Variants in NPAS2 observed in about 807,000 individuals in gnomAD.
The protein encoded by NPAS2 is neuronal PAS domain-containing protein 2.
Under a neutral mutation model 107.5 loss-of-function variants are expected in NPAS2, and 23 were observed. The observed-to-expected ratio is 0.21, with a 90% CI of 0.15 to 0.30. The LOEUF (loss-of-function observed/expected upper bound fraction) is 0.30. NPAS2 is among the 10% of genes least tolerant of loss of function. NPAS2 has a pLI of 1.00. For synonymous variants in NPAS2, 403 were observed against 417.5 expected (o/e 0.97, Z 0.42); for missense variants, 756 against 1,043.3 (o/e 0.72, Z 3.79).
Position 100,995,920 on chromosome 2 carries a change from T to C in NPAS2, c.*338T>C. On this transcript the variant is annotated 3_prime_UTR_variant, in exon 21 of 21. Coordinates refer to ENST00000335681, the MANE Select transcript of NPAS2 (RefSeq NM_002518.4). ...TCCCCCGAGAGTACACCGGTTGCTC[T>C]AGCCACCTGCGGCCCGCCCATCTGC... The C allele has an allele frequency of 7.1e-7, 1 of 1,409,356 alleles. No individual in the cohort carries two copies. The highest frequency in any genetic ancestry group is 1.2e-5 in the South Asian group (1 of 82,004). 87.3% of individuals were successfully genotyped at this position (1,409,356 alleles called of 1,614,324 possible).
chr2:100,897,439 A>C (rs1573570809), intron 1 of NPAS2, among the ~76,000 whole-genome samples: 1 of 151,504 alleles, frequency 6.6e-6, no homozygotes, highest in Admixed American at 6.6e-5. Context: ...CATGTTCAAA[A>C]CCTCCAGTGC....
At chr2:100,884,672 C>T (rs1410793379) in intron 1 of NPAS2, among the ~76,000 whole-genome samples, 2 of 152,122 alleles carry the variant, frequency 1.3e-5, no homozygotes, top group Non-Finnish European at 2.9e-5. Flanking sequence ...GAGCATTCCT[C>T]AGAGGGAGTC....
chr2:100,913,584 C>A (rs904838208), intron 2 of NPAS2, among the ~76,000 whole-genome samples: 17 of 152,102 alleles, frequency 1.1e-4, no homozygotes, highest in African/African-American at 4.1e-4. Flanking sequence ...CCAGAGCAGT[C>A]CACATATGAA....
chr2:100,825,378 G>A (rs536505462), intron 1 of NPAS2, among the ~76,000 whole-genome samples: 18 of 152,212 alleles, frequency 1.2e-4, no homozygotes, highest in African/African-American at 2.9e-4. Context: ...TATATTTTCC[G>A]TTCAGTGTTT....
chr2:100,931,500 T>C (rs1432115193), intron 3 of NPAS2, among the ~76,000 whole-genome samples: 1 of 148,786 alleles, frequency 6.7e-6, no homozygotes, highest in Non-Finnish European at 1.5e-5. Context: ...TTTTTTTTTT[T>C]TTTTGACATG....
chr2:100,854,576 A>G (rs762164239), intron 1 of NPAS2, among the ~76,000 whole-genome samples: 55 of 152,200 alleles, frequency 3.6e-4, no homozygotes, highest in Non-Finnish European at 5.1e-4. Flanking sequence ...TCCTAGGGAA[A>G]GATTCTAATT....
chr2:100,973,455 A>G (rs142653549), intron 12 of NPAS2, among the ~76,000 whole-genome samples: 1 of 152,326 alleles, frequency 6.6e-6, no homozygotes, highest in Admixed American at 6.5e-5. Flanking sequence ...GCCGTGGTCC[A>G]GGGACCCCGC....
intron 7 of NPAS2, among the ~76,000 whole-genome samples, chr2:100,956,280 A>G (rs1020613472): frequency 6.6e-5 from 10 of 152,252 alleles, no homozygotes; most frequent in African/African-American, 2.4e-4. Flanking sequence ...TGAGGTTTGC[A>G]GTACCAATAA....
intron 12 of NPAS2, chr2:100,972,654 G>A (rs950742426): frequency 1.3e-5 from 2 of 152,204 alleles, no homozygotes; most frequent in African/African-American, 2.4e-5. Context: ...CTGATAGGAC[G>A]CAGCTGACAT....
In NPAS2 at chr2:100,968,057, G is replaced by A. The variant is rs113175017; in HGVS notation, c.908-224G>A. Among the ~76,000 whole-genome samples, 6 of 152,164 alleles carry A rather than the reference G, an allele frequency of 3.9e-5. No homozygotes were observed. Among genetic ancestry groups the A allele is most frequent in the South Asian group, 2.1e-4 (1 of 4,828 alleles). ...CCCTTATCTGAGGATCTCTTTAAGC[G>A]TCTGAGCATTTGGGAAAGTATATGG... is the stretch of plus-strand genomic sequence containing the variant. On this transcript the variant is annotated intron_variant, in intron 10 of 20. Coordinates refer to ENST00000335681, the MANE Select transcript of NPAS2 (RefSeq NM_002518.4). This position sits in a 1 kb window ranked among gnomAD's most constrained non-coding sequence, Gnocchi z 5.3.
At chr2:100,943,637 C>G (rs565860645) in intron 5 of NPAS2, among the ~76,000 whole-genome samples, 11 of 152,234 alleles carry the variant, frequency 7.2e-5, no homozygotes, top group Non-Finnish European at 1.6e-4. Flanking sequence ...CTATGGGAAG[C>G]AGGCTGTGCA....
intron 5 of NPAS2, among the ~76,000 whole-genome samples, chr2:100,941,154 CAG>C (rs1414504305): frequency 6.6e-6 from 1 of 152,228 alleles, no homozygotes; most frequent in Non-Finnish European, 1.5e-5. Context: ...TCAGATGTAA[CAG>C]AAGCTCATGT....
At chr2:100,853,719 TGGA>T (rs1441327526) in intron 1 of NPAS2, among the ~76,000 whole-genome samples, 4 of 151,748 alleles carry the variant, frequency 2.6e-5, no homozygotes, top group Non-Finnish European at 4.4e-5. Context: ...GGTGGACACG[TGGA>T]GGAGAACAAA....
At chr2:100,865,219 A>G (rs1183970951) in intron 1 of NPAS2, among the ~76,000 whole-genome samples, 2 of 152,208 alleles carry the variant, frequency 1.3e-5, no homozygotes, top group East Asian at 3.8e-4. Flanking sequence ...GTTGAACTGG[A>G]ATATTCTTGA....
chr2:100,962,521 G>A (rs757855481), intron 7 of NPAS2, among the ~76,000 whole-genome samples: 20 of 152,170 alleles, frequency 1.3e-4, no homozygotes, highest in Non-Finnish European at 2.2e-4. Context: ...GCACACTGGT[G>A]AACCTGCAGA....
intron 2 of NPAS2, among the ~76,000 whole-genome samples, chr2:100,909,335 A>G (rs34333438): frequency 0.15 from 22,184 of 152,314 alleles, 1,788 homozygotes; most frequent in South Asian, 0.18. Context: ...CCAAGACAGG[A>G]TGGAGATCGA....
intron 4 of NPAS2, 30 bp downstream of exon 4, chr2:100,933,031 A>C (rs1042224233): frequency 1.3e-6 from 2 of 1,509,480 alleles, no homozygotes; most frequent in Non-Finnish European, 1.8e-6. Flanking sequence ...TAGCTTAAAC[A>C]GTTGCCAGTT....
At position 100,928,560 on chromosome 2, in the gene NPAS2, G is replaced by A. The variant is rs903225595; in HGVS notation, c.181+3266G>A. On this transcript the variant is annotated intron_variant, in intron 3 of 20. Transcript: ENST00000335681. The stretch of plus-strand genomic sequence containing the variant: ...ATACCGGGAGAGCCTGCTTCAGCTC[G>A]CCTTTTTCATAAGATGAAGGCCTAC... Among the ~76,000 whole-genome samples the A allele has an allele frequency of 5.4e-4, 82 of 152,056 alleles. 1 individual carries two copies. The highest frequency in any genetic ancestry group is 1.9e-3 in the African/African-American group (79 of 41,388).
In NPAS2 at chr2:100,995,733, AG is replaced by A; in HGVS notation, c.*152del. ...ACTCCTGGATGGTAACCATCTCTGGAGTGCAGCGCTTGCTGCAGTGGAAATG... is the reference window on the plus strand; with the variant it reads ...ACTCCTGGATGGTAACCATCTCTGGATGCAGCGCTTGCTGCAGTGGAAATG... On this transcript the variant is annotated 3_prime_UTR_variant, in exon 21 of 21. Transcript: ENST00000335681. The A allele has an allele frequency of 6.5e-7, 1 of 1,549,674 alleles. No individual in the cohort carries two copies. The highest frequency in any genetic ancestry group is 1.4e-5 in the African/African-American group (1 of 73,122).
Sources: gnomAD v4.1 joint callset for allele counts (sites outside exome capture counted in the v4.1 genomes callset) on GRCh38, gnomAD v4.1.1 for gene constraint, Gnocchi (gnomAD v3.1) non-coding constraint, MANE v1.5 for transcripts, NCBI Gene and HGNC (gene_info 2026-07-23, HGNC 2026-07-21) for gene names.